Variants in CORIN observed in about 807,000 individuals in gnomAD.
The protein encoded by CORIN is atrial natriuretic peptide-converting enzyme.
In CORIN, 117 loss-of-function variants were observed where a neutral mutation model predicts 125.3. That is an observed-to-expected ratio of 0.93 (90% CI 0.80 to 1.09). CORIN has a LOEUF of 1.09. Ranked by LOEUF, CORIN falls within the 50% of genes least tolerant of loss-of-function variation. The pLI is 0.00. For synonymous variants in CORIN, 450 were observed against 466.4 expected (o/e 0.96, Z 0.45); for missense variants, 1,253 against 1,306.7 (o/e 0.96, Z 0.63).
intron 19 of CORIN, among the ~76,000 whole-genome samples, chr4:47,620,329 G>A (rs1237585827): frequency 3.3e-5 from 5 of 152,002 alleles, no homozygotes; most frequent in Non-Finnish European, 5.9e-5. Flanking sequence ...CATCAAGTGG[G>A]GAATAATTTT....
At chr4:47,776,871 C>A (rs1033934304) in intron 3 of CORIN, among the ~76,000 whole-genome samples, 3 of 151,966 alleles carry the variant, frequency 2.0e-5, no homozygotes, top group Non-Finnish European at 4.4e-5. Context: ...ATAGAAGCTC[C>A]AGGATAGACC....
intron 1 of CORIN, among the ~76,000 whole-genome samples, chr4:47,829,133 G>C (rs113117852): frequency 0.021 from 2,707 of 126,726 alleles, 108 homozygotes; most frequent in African/African-American, 0.075. Context: ...ACTCCAGCCT[G>C]GGTGACAGGG....
intron 5 of CORIN, chr4:47,706,730 T>C: frequency 6.2e-7 from 1 of 1,603,984 alleles, no homozygotes; most frequent in Non-Finnish European, 8.5e-7. Flanking sequence ...GAATTCTTAC[T>C]GGGTTGGTGA....
chr4:47,711,966 C>T lies in CORIN; in HGVS notation c.800-18883G>A, dbSNP rs555234363. ...GGCTGTACCTACAACATTGCTACTA[C>T]GAGAAAGCAGCTTTCATATCTGAAA... On this transcript the variant is annotated intron_variant, in intron 5 of 21. Transcript: ENST00000273857. Among the ~76,000 whole-genome samples the T allele has an allele frequency of 1.1e-4, 17 of 152,314 alleles. No homozygotes were observed. The South Asian group carries it at 1.7e-3, about 15-fold the overall frequency.
intron 3 of CORIN, among the ~76,000 whole-genome samples, chr4:47,767,049 G>A (rs9999023): frequency 0.043 from 6,603 of 152,090 alleles, 437 homozygotes; most frequent in African/African-American, 0.15. Flanking sequence ...AATAGTAAAG[G>A]GGAAAAAGGC....
intron 5 of CORIN, among the ~76,000 whole-genome samples, chr4:47,707,640 G>A (rs1368005177): frequency 6.6e-6 from 1 of 152,236 alleles, no homozygotes; most frequent in East Asian, 1.9e-4. Context: ...TACCTCAGCA[G>A]ATAGCACTTA....
intron 9 of CORIN, among the ~76,000 whole-genome samples, chr4:47,674,836 G>T (rs934632415): frequency 3.9e-5 from 6 of 152,152 alleles, no homozygotes; most frequent in Admixed American, 1.3e-4. Flanking sequence ...CAAGAGATTT[G>T]AGGGACAGAG....
rs1722070411 is a variant in CORIN, at chr4:47,616,440, T to C, written c.2540+7131A>G. On this transcript the variant is annotated intron_variant, in intron 19 of 21. Transcript: ENST00000273857. ...GGTCCCTAGGAACTAAAGCATTCAG[T>C]AGCCTAAAAATGAGCTGAAAAAAGA... 2.6e-5 allele frequency among the ~76,000 whole-genome samples: 4 copies of C among 152,140 alleles called. No individual in the cohort carries two copies. The South Asian group carries it at 8.3e-4, about 31-fold the overall frequency.
chr4:47,786,582 T>A (rs567714905), intron 3 of CORIN, 143 bp downstream of exon 3: 1 of 644,932 alleles, frequency 1.6e-6, no homozygotes, highest in East Asian at 2.7e-5. Context: ...AATAGGGCAC[T>A]CAGCTACGCT....
At chr4:47,834,262 T>C (rs565629521) in intron 1 of CORIN, among the ~76,000 whole-genome samples, 1 of 152,240 alleles carries the variant, frequency 6.6e-6, no homozygotes, top group East Asian at 1.9e-4. Context: ...CAGTACAATA[T>C]TACTCAGCCT....
Position 47,826,868 on chromosome 4 carries a change from G to A in CORIN, c.63+11019C>T, listed in dbSNP as rs1036893904. On this transcript the variant is annotated intron_variant, in intron 1 of 21. Transcript: ENST00000273857. Reference sequence around the variant, plus strand: ...TGTGTTGTCATTGAGCACCTGCAATGCAGCTCATTTGAACTGAGAAATGCT... The same window carrying A: ...TGTGTTGTCATTGAGCACCTGCAATACAGCTCATTTGAACTGAGAAATGCT... Among the ~76,000 whole-genome samples, 3 of 152,202 alleles carry A rather than the reference G, an allele frequency of 2.0e-5. No individual in the cohort carries two copies. The East Asian group carries it at 5.8e-4, about 29-fold the overall frequency.
At chr4:47,671,914 A>T (rs1379243054) in intron 10 of CORIN, among the ~76,000 whole-genome samples, 1 of 152,184 alleles carries the variant, frequency 6.6e-6, no homozygotes, top group Non-Finnish European at 1.5e-5. Flanking sequence ...ATAACACAGG[A>T]GTAATGAGGG....
chr4:47,648,086 C>CA (rs1183170587), intron 13 of CORIN, among the ~76,000 whole-genome samples: 1 of 152,128 alleles, frequency 6.6e-6, no homozygotes, highest in Non-Finnish European at 1.5e-5. Context: ...ATATTAGTTA[C>CA]ATGGGAGATA....
chr4:47,814,529 C>T (rs1732184195), intron 1 of CORIN, among the ~76,000 whole-genome samples: 5 of 152,156 alleles, frequency 3.3e-5, no homozygotes, highest in Admixed American at 3.3e-4. Context: ...GTGACCTTCA[C>T]ATGAATTAAA....
At chr4:47,666,162 C>A (rs1724468752) in intron 10 of CORIN, among the ~76,000 whole-genome samples, 1 of 152,212 alleles carries the variant, frequency 6.6e-6, no homozygotes, top group Non-Finnish European at 1.5e-5. Context: ...ACCTTCCTGG[C>A]CAACCACTCT....
intron 16 of CORIN, among the ~76,000 whole-genome samples, chr4:47,639,517 G>A (rs918654301): frequency 2.6e-5 from 4 of 152,214 alleles, no homozygotes; most frequent in African/African-American, 9.6e-5. Flanking sequence ...TTAGTTGGGA[G>A]TTGCTTTTTA....
chr4:47,662,627 A>C (rs539070420), intron 11 of CORIN, among the ~76,000 whole-genome samples: 1 of 148,746 alleles, frequency 6.7e-6, no homozygotes, highest in African/African-American at 2.5e-5. Flanking sequence ...TTACACAGTT[A>C]AAAAAAAAAC....
intron 3 of CORIN, among the ~76,000 whole-genome samples, chr4:47,775,382 C>T (rs879873141): frequency 3.3e-5 from 5 of 152,088 alleles, no homozygotes; most frequent in Non-Finnish European, 5.9e-5. Context: ...TCCCACCCCA[C>T]GACGGGCCCC....
intron 2 of CORIN, among the ~76,000 whole-genome samples, chr4:47,796,288 A>G (rs1731286192): frequency 6.6e-6 from 1 of 152,084 alleles, no homozygotes; most frequent in Non-Finnish European, 1.5e-5. Flanking sequence ...AAAAAAGAAG[A>G]AAATCTTATC....
Sources: gnomAD v4.1 joint callset for allele counts (sites outside exome capture counted in the v4.1 genomes callset) on GRCh38, gnomAD v4.1.1 for gene constraint, MANE v1.5 for transcripts, NCBI Gene and HGNC (gene_info 2026-07-23, HGNC 2026-07-21) for gene names.